The following CMTM8 variants were observed in gnomAD, a reference collection of about 807,000 sequenced individuals.
The protein encoded by CMTM8 is CKLF like MARVEL transmembrane domain containing 8.
Under a neutral mutation model 18.6 loss-of-function variants are expected in CMTM8, and 12 were observed. The ratio of observed to expected loss-of-function variants is 0.65; its 90% CI spans 0.41 to 1.05. The LOEUF is 1.05. Ranked by LOEUF, CMTM8 falls within the 50% of genes least tolerant of loss-of-function variation. The probability of loss-of-function intolerance (pLI) is 0.00; values close to 1 mark genes in which losing one functional copy is unlikely to be tolerated. For missense variants in CMTM8, 217 were observed against 227.2 expected, an observed-to-expected ratio of 0.95 and a Z score of 0.29; for synonymous variants, 87 against 90.6, an observed-to-expected ratio of 0.96 and a Z score of 0.23.
chr3:32,330,957 A>C (rs1185708172), intron 1 of CMTM8, among the ~76,000 whole-genome samples: 1 of 152,236 alleles, frequency 6.6e-6, no homozygotes, highest in Non-Finnish European at 1.5e-5. Context: ...ACAAAAGCAC[A>C]GATGACAAAA....
rs866815852 is a variant in CMTM8, at chr3:32,298,939, A to G, written c.148-58434A>G. ...TACACACACACATATATATATATAT[A>G]TGTATATATATATATATTTTTTTTT... is the stretch of plus-strand genomic sequence containing the variant. On this transcript the variant is annotated intron_variant, in intron 1 of 3. Transcript: ENST00000307526. 9.8e-3 allele frequency among the ~76,000 whole-genome samples: 679 copies of G among 69,462 alleles called. 3 individuals are homozygous for G. Among genetic ancestry groups the G allele is most frequent in the African/African-American group, 0.018 (329 of 18,322 alleles). The allele number at this position is 69,462 out of a possible 152,430, so 45.6% of individuals were successfully genotyped here.
intron 3 of CMTM8, 98 bp from the exon 4 acceptor site, chr3:32,369,786 A>C: frequency 1.5e-6 from 1 of 651,980 alleles, no homozygotes; most frequent in Non-Finnish European, 2.7e-6. Flanking sequence ...GTATCAAGAA[A>C]AGGTAGTGAG....
Position 32,314,432 on chromosome 3 carries a change from A to G in CMTM8, c.148-42941A>G, listed in dbSNP as rs535781024. Among the ~76,000 whole-genome samples, 14 of 152,164 alleles carry G rather than the reference A, an allele frequency of 9.2e-5. No individual in the cohort carries two copies. In the East Asian group the frequency reaches 1.7e-3, roughly 19 times the overall value. On this transcript the variant is annotated intron_variant, in intron 1 of 3. Coordinates refer to ENST00000307526, the MANE Select transcript of CMTM8 (RefSeq NM_178868.5). ...AGCCCTTCAGACACCAGGGGTGTGA[A>G]GGCAGGTCCTACTGGGGAGAGGGTG...
At chr3:32,280,027 T>C (rs1194384787) in intron 1 of CMTM8, among the ~76,000 whole-genome samples, 1 of 139,054 alleles carries the variant, frequency 7.2e-6, no homozygotes, top group East Asian at 2.1e-4. Context: ...CACCCCACTG[T>C]CAATATAATT....
intron 1 of CMTM8, among the ~76,000 whole-genome samples, chr3:32,324,615 G>A (rs1476786812): frequency 6.6e-6 from 1 of 152,174 alleles, no homozygotes; most frequent in African/African-American, 2.4e-5. Flanking sequence ...AATTATTACT[G>A]TTAAACTTGT....
At chr3:32,357,231 C>A in intron 1 of CMTM8, 142 bp from the exon 2 acceptor site, 2 of 745,234 alleles carry the variant, frequency 2.7e-6, no homozygotes, top group Non-Finnish European at 4.3e-6. Flanking sequence ...GCGACGGGAG[C>A]GAGACTCCAT....
chr3:32,268,685 C>A (rs966656737), intron 1 of CMTM8, among the ~76,000 whole-genome samples: 5 of 151,870 alleles, frequency 3.3e-5, no homozygotes, highest in Non-Finnish European at 5.9e-5. Flanking sequence ...ATCTAGACAC[C>A]ATCATGAGTG....
At chr3:32,249,455 T>C (rs1052534472) in intron 1 of CMTM8, among the ~76,000 whole-genome samples, 63 of 148,788 alleles carry the variant, frequency 4.2e-4, no homozygotes, top group Non-Finnish European at 6.0e-4. Context: ...AAAAAAAAAA[T>C]TGAAGCACTG....
chr3:32,240,348 C>G (rs1405973355), intron 1 of CMTM8, among the ~76,000 whole-genome samples: 1 of 152,198 alleles, frequency 6.6e-6, no homozygotes, highest in East Asian at 1.9e-4. Flanking sequence ...TTGAGGACTT[C>G]AGGAGACTCA....
chr3:32,239,201 C>T, intron 1 of CMTM8, 82 bp downstream of exon 1: 3 of 1,443,492 alleles, frequency 2.1e-6, no homozygotes, highest in Non-Finnish European at 2.8e-6. Flanking sequence ...GGGATGGAGC[C>T]TGCTCAGATC....
intron 1 of CMTM8, among the ~76,000 whole-genome samples, chr3:32,326,185 A>T (rs1433118177): frequency 2.0e-5 from 3 of 152,216 alleles, no homozygotes; most frequent in Non-Finnish European, 4.4e-5. Context: ...ACTCGATCGC[A>T]TGACTGGGTC....
At chr3:32,260,665 A>T (rs1208876616) in intron 1 of CMTM8, among the ~76,000 whole-genome samples, 1 of 108,718 alleles carries the variant, frequency 9.2e-6, no homozygotes, top group Non-Finnish European at 1.8e-5. Context: ...TGATTTTTTT[A>T]AAGTTTTTTT....
At chr3:32,239,196 G>A (rs765708548) in intron 1 of CMTM8, 77 bp downstream of exon 1, 180 of 1,496,180 alleles carry the variant, frequency 1.2e-4, no homozygotes, top group Non-Finnish European at 1.5e-4. Flanking sequence ...TTCTCGGGAT[G>A]GAGCCTGCTC....
chr3:32,346,814 CT>C (rs34230571), intron 1 of CMTM8, among the ~76,000 whole-genome samples: 71,522 of 131,246 alleles, frequency 0.54, 17,095 homozygotes, highest in Middle Eastern at 0.67. Context: ...TGTTATAATT[CT>C]TTTTTTTTTT....
chr3:32,249,766 A>G (rs1453131258), intron 1 of CMTM8, among the ~76,000 whole-genome samples: 1 of 152,212 alleles, frequency 6.6e-6, no homozygotes, highest in African/African-American at 2.4e-5. Flanking sequence ...AGTTCTTTAT[A>G]CATTCTGGGA....
At chr3:32,293,928 A>G (rs1369341106) in intron 1 of CMTM8, among the ~76,000 whole-genome samples, 2 of 152,064 alleles carry the variant, frequency 1.3e-5, no homozygotes, top group Non-Finnish European at 2.9e-5. Flanking sequence ...GTGCAGGTGT[A>G]TTGGTTGTGC....
At chr3:32,293,898 TTTGTGCAGGTGTATCTG>T (rs893055312) in intron 1 of CMTM8, among the ~76,000 whole-genome samples, 3 of 152,170 alleles carry the variant, frequency 2.0e-5, no homozygotes, top group Non-Finnish European at 2.9e-5. Context: ...GTCATTCTTC[TTTGTGCAGGTGTATCTG>T]TTGTGCAGGT....
At chr3:32,266,421 C>G (rs1176067992) in intron 1 of CMTM8, among the ~76,000 whole-genome samples, 1 of 152,156 alleles carries the variant, frequency 6.6e-6, no homozygotes, top group African/African-American at 2.4e-5. Context: ...ATGCTAAAAA[C>G]TCTCAATAAA....
chr3:32,242,025 C>A (rs1319512610), intron 1 of CMTM8, among the ~76,000 whole-genome samples: 1 of 152,206 alleles, frequency 6.6e-6, no homozygotes, highest in African/African-American at 2.4e-5. Context: ...CTGCACACAG[C>A]TGGCCGACTG....
Sources: gnomAD v4.1 joint callset for allele counts (sites outside exome capture counted in the v4.1 genomes callset) on GRCh38, gnomAD v4.1.1 for gene constraint, MANE v1.5 for transcripts, NCBI Gene and HGNC (gene_info 2026-07-23, HGNC 2026-07-21) for gene names.